IRAG1: variants seen among roughly 807,000 people sequenced by gnomAD.
IRAG1 encodes IP3R-associated cGMP kinase substrate.
In IRAG1, 62 loss-of-function variants were observed where a neutral mutation model predicts 106.2. The observed-to-expected ratio is 0.58, with a 90% CI of 0.48 to 0.72. The LOEUF is 0.72. Ranked by LOEUF, IRAG1 falls within the 30% of genes least tolerant of loss-of-function variation. IRAG1 has a pLI of 0.00. For missense variants in IRAG1, 1,064 were observed against 1,140.7 expected, an observed-to-expected ratio of 0.93 and a Z score of 0.97; for synonymous variants, 462 against 443.9, an observed-to-expected ratio of 1.04 and a Z score of -0.51.
At chr11:10,625,132 C>G (rs57359868) in intron 9 of IRAG1, among the ~76,000 whole-genome samples, 10,938 of 152,244 alleles carry the variant, frequency 0.072, 1,002 homozygotes, top group African/African-American at 0.22. Flanking sequence ...TGCCAGCACA[C>G]AAATCCCCTC....
At position 10,659,289 on chromosome 11, in the gene IRAG1, C is replaced by A. The variant is rs1166785168; in HGVS notation, c.68-7107G>T. ...GAGTGACTGAAGGGGGTACAGCCAC[C>A]CCCCAGTGTGTGGTGGAAGCCCCAG... is the stretch of plus-strand genomic sequence containing the variant. On this transcript the variant is annotated intron_variant, in intron 1 of 20. Coordinates refer to ENST00000423302, the MANE Select transcript of IRAG1 (RefSeq NM_130385.4). This position sits in a 1 kb window ranked among gnomAD's most constrained non-coding sequence, Gnocchi z 4.1. 6.6e-6 allele frequency among the ~76,000 whole-genome samples: 1 copy of A among 152,160 alleles called. No individual in the cohort carries two copies. Among genetic ancestry groups the A allele is most frequent in the Non-Finnish European group, 1.5e-5 (1 of 68,028 alleles).
rs374986559 is a variant in IRAG1 at position 10,626,573 on chromosome 11, T to G, written c.761A>C (p.Lys254Thr). The G allele has an allele frequency of 1.2e-6, 2 of 1,601,988 alleles. No individual in the cohort carries two copies. Among genetic ancestry groups the G allele is most frequent in the Admixed American group, 1.7e-5 (1 of 58,954 alleles). ...SPHPGEPNVP[K>T]GLADRKQNDQ... ...ATTCTGCTTCCTGTCAGCTAGCCCTTTGGGGACGTTCTGAAAAAGACAAGG... is the reference window on the plus strand; with the variant it reads ...ATTCTGCTTCCTGTCAGCTAGCCCTGTGGGGACGTTCTGAAAAAGACAAGG... The change falls in exon 9 of 21, where the codon AAA becomes ACA. Residue 254 changes from lysine to threonine, a missense_variant. Physicochemically the swap from Lys to Thr is moderately conservative, Grantham distance 78 (BLOSUM62 -1). Transcript: ENST00000423302.
chr11:10,627,592 T>A, intron 8 of IRAG1, 124 bp downstream of exon 8: 4 of 997,208 alleles, frequency 4.0e-6, no homozygotes, highest in East Asian at 2.4e-5. Context: ...TCCCCAGCCC[T>A]GACCCTCCAC....
At chr11:10,677,691 A>G (rs1050431507) in intron 1 of IRAG1, among the ~76,000 whole-genome samples, 10 of 152,232 alleles carry the variant, frequency 6.6e-5, no homozygotes, top group Admixed American at 5.9e-4. Flanking sequence ...AAGCACATTC[A>G]CAATGCTGTG....
intron 18 of IRAG1, among the ~76,000 whole-genome samples, chr11:10,589,368 CAT>C: frequency 6.6e-6 from 1 of 152,276 alleles, no homozygotes; most frequent in African/African-American, 2.4e-5. Flanking sequence ...CACTTTTACT[CAT>C]ATATTGTCTC....
intron 1 of IRAG1, among the ~76,000 whole-genome samples, chr11:10,661,182 G>A (rs1386039075): frequency 6.6e-6 from 1 of 152,092 alleles, no homozygotes; most frequent in Non-Finnish European, 1.5e-5. Context: ...CAACCACAGT[G>A]GACCAAAAGC....
In IRAG1 at chr11:10,625,976, T is replaced by G. The variant is rs1195108191; in HGVS notation, c.1358A>C (p.Lys453Thr). The G allele has an allele frequency of 6.8e-7, 1 of 1,479,024 alleles. No individual in the cohort carries two copies. Among genetic ancestry groups the G allele is most frequent in the African/African-American group, 1.4e-5 (1 of 70,856 alleles). The allele number at this position is 1,479,024 out of a possible 1,614,324, so 91.6% of individuals were successfully genotyped here. A position where few individuals can be genotyped will look rare whatever the true frequency, so the allele number is the denominator to read the frequency against. Reference protein sequence around the residue: ...VQPVRMQKLTKLREEHILMRN... With the variant: ...VQPVRMQKLTTLREEHILMRN... ...CCCCCAGGAACCCACCTCTCGGAGC[T>G]TGGTCAGTTTCTGCATCCGCACGGG... Residue 453 changes from lysine (K) to threonine (T), a missense_variant, in exon 9 of 21, where the codon AAG (lysine) becomes ACG (threonine). Lys to Thr is a moderately conservative substitution (Grantham distance 78, BLOSUM62 -1). Coordinates refer to ENST00000423302, the MANE Select transcript of IRAG1 (RefSeq NM_130385.4).
In IRAG1 at chr11:10,665,080, A is replaced by G. The variant is rs576657433; in HGVS notation, c.68-12898T>C. ...ATCCTTTATAATGCTGCCTGTGGGG[A>G]CTTTCTTGGCACCAAGTCTTCTCTC... is the stretch of plus-strand genomic sequence containing the variant. On this transcript the variant is annotated intron_variant, in intron 1 of 20. Transcript: ENST00000423302. This position sits in a 1 kb window ranked among gnomAD's most constrained non-coding sequence, Gnocchi z 4.2. Among the ~76,000 whole-genome samples the G allele has an allele frequency of 6.6e-6, 1 of 152,110 alleles. No homozygotes were observed. Among genetic ancestry groups the G allele is most frequent in the South Asian group, 2.1e-4 (1 of 4,818 alleles).
Position 10,626,188 on chromosome 11 carries a change from G to A in IRAG1, c.1146C>T (p.Pro382=). 6.4e-7 allele frequency: 1 copy of A among 1,563,384 alleles called. No individual in the cohort carries two copies. ...PEAGSKAELP[P]TVSRPPLLRG... ...GCAGCAGCGGGGGCCGGGACACAGT[G>A]GGTGGAAGCTCAGCTTTGGAGCCAG... The change falls in exon 9 of 21, where the codon CCC becomes CCT. Residue 382 remains proline (P), a synonymous_variant. Coordinates refer to ENST00000423302, the MANE Select transcript of IRAG1 (RefSeq NM_130385.4).
intron 1 of IRAG1, among the ~76,000 whole-genome samples, chr11:10,668,116 A>C (rs770371595): frequency 1.3e-5 from 2 of 152,176 alleles, no homozygotes; most frequent in Non-Finnish European, 1.5e-5. Context: ...ATCTGTCTCC[A>C]TGAAAGACCC....
intron 11 of IRAG1, among the ~76,000 whole-genome samples, chr11:10,609,262 A>G (rs951581499): frequency 6.6e-6 from 1 of 152,130 alleles, no homozygotes; most frequent in African/African-American, 2.4e-5. Context: ...TTACTCTTTC[A>G]AATCATTCAT....
At chr11:10,601,200 C>T (rs1853961678) in intron 14 of IRAG1, 141 bp from the exon 15 acceptor site, 1 of 1,207,708 alleles carries the variant, frequency 8.3e-7, no homozygotes, top group Admixed American at 2.2e-5. Flanking sequence ...AGTTTGCTGT[C>T]TGCCATGTGA....
At chr11:10,674,870 G>A (rs1039742916) in intron 1 of IRAG1, among the ~76,000 whole-genome samples, 4 of 152,198 alleles carry the variant, frequency 2.6e-5, no homozygotes, top group Admixed American at 6.5e-5. Context: ...CAGATTTAGC[G>A]AGAGTCCAAG....
intron 18 of IRAG1, among the ~76,000 whole-genome samples, chr11:10,587,164 C>T (rs776967726): frequency 1.3e-5 from 2 of 152,232 alleles, no homozygotes; most frequent in African/African-American, 2.4e-5. Flanking sequence ...TATTCTCACA[C>T]GTGCACCAGG....
At chr11:10,678,003 CTCTATCTG>C (rs78114869) in intron 1 of IRAG1, among the ~76,000 whole-genome samples, 5,911 of 139,224 alleles carry the variant, frequency 0.042, 146 homozygotes, top group Non-Finnish European at 0.061. Flanking sequence ...TTATCTATCT[CTCTATCTG>C]TCTATCTATC....
chr11:10,617,490 C>T (rs2134471808), intron 10 of IRAG1, among the ~76,000 whole-genome samples: 1 of 152,244 alleles, frequency 6.6e-6, no homozygotes, highest in East Asian at 1.9e-4. Flanking sequence ...AAATTGGTTT[C>T]TGAAAGTACA....
Position 10,651,131 on chromosome 11 carries a change from G to A in IRAG1, c.225+894C>T, listed in dbSNP as rs540515872. Among the ~76,000 whole-genome samples, 9 of 152,230 alleles carry A rather than the reference G, an allele frequency of 5.9e-5. No homozygotes were observed. The South Asian group carries it at 1.9e-3, about 31-fold the overall frequency. ...GCAAATCAACTGCAAAGTTCATGAAGTCAAAGAAAACAGTGATGGAGAATT... is the reference window on the plus strand; with the variant it reads ...GCAAATCAACTGCAAAGTTCATGAAATCAAAGAAAACAGTGATGGAGAATT... On this transcript the variant is annotated intron_variant, in intron 2 of 20. Transcript: ENST00000423302.
intron 12 of IRAG1, among the ~76,000 whole-genome samples, chr11:10,606,102 G>A (rs1036824946): frequency 6.6e-6 from 1 of 152,218 alleles, no homozygotes; most frequent in African/African-American, 2.4e-5. Context: ...GATACTACCT[G>A]TGGTAGATAC....
At chr11:10,582,105 A>G in intron 18 of IRAG1, 119 bp from the exon 19 acceptor site, 1 of 1,241,018 alleles carries the variant, frequency 8.1e-7, no homozygotes, top group Non-Finnish European at 1.1e-6. Context: ...TTTTTCAGTA[A>G]CTTTCAGATT....
Sources: allele counts gnomAD v4.1 joint callset (sites outside exome capture counted in the v4.1 genomes callset), GRCh38; gene constraint gnomAD v4.1.1; non-coding constraint Gnocchi (gnomAD v3.1); transcripts MANE v1.5; gene names NCBI Gene and HGNC (gene_info 2026-07-23, HGNC 2026-07-21).